Variants in TMEM245 observed in about 807,000 individuals in gnomAD.
The protein encoded by TMEM245 is transmembrane protein 245, also known as protein CG-2.
A neutral mutation model predicts 101.2 loss-of-function variants in TMEM245; 69 were observed. The observed-to-expected ratio is 0.68, with a 90% CI of 0.56 to 0.83. The LOEUF (loss-of-function observed/expected upper bound fraction) is 0.83. Among genes scored for constraint, TMEM245 ranks in the 40% least tolerant of loss-of-function variants. The pLI is 0.00. For missense variants in TMEM245, 1,075 were observed against 1,092.8 expected (o/e 0.98, Z 0.23); for synonymous variants, 537 against 449.8 (o/e 1.19, Z -2.45).
chr9:109,054,790 C>T (rs527622944), intron 12 of TMEM245, among the ~76,000 whole-genome samples: 1 of 152,270 alleles, frequency 6.6e-6, no homozygotes, highest in African/African-American at 2.4e-5. Context: ...CTGTTATTTA[C>T]CGTGCAAACT....
chr9:109,111,552 GTTTAAAATAACCAT>G (rs3830550), intron 1 of TMEM245, among the ~76,000 whole-genome samples: 5,813 of 152,212 alleles, frequency 0.038, 270 homozygotes, highest in African/African-American at 0.11. Context: ...CCTCATTCCA[GTTTAAAATAACCAT>G]TTTAAAATAT....
At chr9:109,101,905 G>A (rs994268613) in intron 3 of TMEM245, among the ~76,000 whole-genome samples, 24 of 152,272 alleles carry the variant, frequency 1.6e-4, no homozygotes, top group Admixed American at 7.8e-4. Flanking sequence ...GAGATGACTA[G>A]AATTTACACC....
chr9:109,052,195 A>T (rs1234081017), intron 12 of TMEM245, among the ~76,000 whole-genome samples: 2 of 152,210 alleles, frequency 1.3e-5, no homozygotes, highest in African/African-American at 4.8e-5. Flanking sequence ...GAAAAATACA[A>T]AAACAAAATG....
chr9:109,047,139 C>A (rs1828522270), intron 14 of TMEM245, among the ~76,000 whole-genome samples: 1 of 152,144 alleles, frequency 6.6e-6, no homozygotes, highest in Admixed American at 6.5e-5. Context: ...TCTATCAATT[C>A]TGAGAACCAT....
At chr9:109,063,485 A>G (rs1299284979) in intron 10 of TMEM245, among the ~76,000 whole-genome samples, 1 of 152,034 alleles carries the variant, frequency 6.6e-6, no homozygotes, top group Non-Finnish European at 1.5e-5. Flanking sequence ...TTGTTTTTGA[A>G]TTTTCAATAT....
In TMEM245 at chr9:109,064,555, C is replaced by T. The variant is rs769526459; in HGVS notation, c.1545G>A (p.Glu515=). 44 of 1,613,640 alleles carry T rather than the reference C, an allele frequency of 2.7e-5. No individual in the cohort carries two copies. Among genetic ancestry groups the T allele is most frequent in the Non-Finnish European group, 1.7e-6 (2 of 1,179,738 alleles). Residue 515 remains glutamate, a synonymous_variant, in exon 10 of 18, where the codon GAG becomes GAA. Coordinates refer to ENST00000374586, the MANE Select transcript of TMEM245 (RefSeq NM_032012.4). The part of the protein sequence containing the change: ...NHPEWANWLP[E]AQVVQRALNS... ...TCAGGGCTCTTTGGACTACCTGAGC[C>T]TCAGGAAGCCAACTAATGTAAAACA...
rs3750455 is a variant in TMEM245, at chr9:109,036,246, T to C, written c.2359A>G (p.Thr787Ala). 43 of 1,613,376 alleles carry C rather than the reference T, an allele frequency of 2.7e-5. No homozygotes were observed. The East Asian group carries it at 9.6e-4, about 36-fold the overall frequency. Residue 787 changes from threonine (T) to alanine (A), a missense_variant, in exon 16 of 18, where the codon ACA becomes GCA. Thr to Ala is a moderately conservative substitution (Grantham distance 58). Transcript: ENST00000374586. The stretch of plus-strand genomic sequence containing the variant: ...TAGATTGCAGTATCTACAAAGTATG[T>C]TGGCAAGAGATGAAAAATCAACAGT... Reference protein sequence around the residue: ...ILLLIFHLLPTYFVDTAIYSD... With the variant: ...ILLLIFHLLPAYFVDTAIYSD...
intron 12 of TMEM245, among the ~76,000 whole-genome samples, chr9:109,056,319 T>G (rs572029666): frequency 1.9e-3 from 293 of 151,266 alleles, no homozygotes; most frequent in African/African-American, 6.5e-3. Context: ...TTAGGCCAGG[T>G]GTGATGGCTC....
At chr9:109,036,076 G>T in intron 16 of TMEM245, 130 bp downstream of exon 16, 1 of 561,248 alleles carries the variant, frequency 1.8e-6, no homozygotes. Flanking sequence ...GAACACAAAA[G>T]GCTATTTCAC....
At chr9:109,102,772 T>C (rs11788904) in intron 3 of TMEM245, among the ~76,000 whole-genome samples, 33,668 of 152,256 alleles carry the variant, frequency 0.22, 4,550 homozygotes, top group Admixed American at 0.3. Flanking sequence ...GAGAAATTAA[T>C]TCTTTTTAAA....
chr9:109,091,983 T>C (rs1034513535), intron 4 of TMEM245, among the ~76,000 whole-genome samples: 13 of 152,214 alleles, frequency 8.5e-5, no homozygotes, highest in African/African-American at 3.1e-4. Context: ...GTGTGGATTG[T>C]TAATTACAAA....
intron 9 of TMEM245, among the ~76,000 whole-genome samples, chr9:109,069,600 C>T (rs1256458838): frequency 6.6e-6 from 1 of 152,188 alleles, no homozygotes; most frequent in African/African-American, 2.4e-5. Flanking sequence ...TTCTGACCTG[C>T]TTTCCCCAGC....
intron 1 of TMEM245, among the ~76,000 whole-genome samples, chr9:109,110,135 A>G (rs1465810873): frequency 1.3e-5 from 2 of 152,332 alleles, no homozygotes; most frequent in East Asian, 3.9e-4. Flanking sequence ...GCTGCTTCAA[A>G]AAGTCCAGTC....
chr9:109,106,246 T>TTATTTTATAAAAATAAAATAAAAA lies in TMEM245; in HGVS notation c.799+261_799+262insTTTTTATTTTATTTTTATAAAATA, dbSNP rs1830419963. Among the ~76,000 whole-genome samples, 17 of 151,656 alleles carry TTATTTTATAAAAATAAAATAAAAA rather than the reference T, an allele frequency of 1.1e-4. 1 individual carries two copies. The highest frequency in any genetic ancestry group is 1.1e-3 in the Admixed American group (16 of 15,234). On this transcript the variant is annotated intron_variant, in intron 3 of 17. Transcript: ENST00000374586. ...CACTAAAAAATAAAATAAAAATATT[T>TTATTTTATAAAAATAAAATAAAAA]TATTTTATAAAAATAAAATATTTTA...
intron 1 of TMEM245, among the ~76,000 whole-genome samples, chr9:109,117,333 G>C (rs2132686161): frequency 6.6e-6 from 1 of 151,730 alleles, no homozygotes; most frequent in East Asian, 1.9e-4. Flanking sequence ...GGCCAGGCTG[G>C]TCTTGAACTC....
chr9:109,080,306 T>C (rs1829630718), intron 8 of TMEM245, among the ~76,000 whole-genome samples: 1 of 151,996 alleles, frequency 6.6e-6, no homozygotes, highest in Admixed American at 6.6e-5. Flanking sequence ...TAGTAAGAGA[T>C]ATCACTATAA....
At chr9:109,054,663 A>G (rs1175214050) in intron 12 of TMEM245, among the ~76,000 whole-genome samples, 1 of 152,226 alleles carries the variant, frequency 6.6e-6, no homozygotes, top group Non-Finnish European at 1.5e-5. Context: ...TAAAGGTATG[A>G]GACTAAGAAA....
chr9:109,085,520 T>C (rs1829805618), intron 7 of TMEM245, among the ~76,000 whole-genome samples: 1 of 152,216 alleles, frequency 6.6e-6, no homozygotes. Flanking sequence ...ATACTAGTTA[T>C]TTAAAAAAAG....
At chr9:109,083,190 A>C (rs1408553710) in intron 7 of TMEM245, among the ~76,000 whole-genome samples, 2 of 152,192 alleles carry the variant, frequency 1.3e-5, no homozygotes, top group Admixed American at 1.3e-4. Flanking sequence ...AGGATAAAAA[A>C]CTTAGATGGA....
Sources: allele counts gnomAD v4.1 joint callset (sites outside exome capture counted in the v4.1 genomes callset), GRCh38; gene constraint gnomAD v4.1.1; transcripts MANE v1.5; gene names NCBI Gene and HGNC (gene_info 2026-07-23, HGNC 2026-07-21).